The following LRP1B variants were observed in gnomAD, a reference collection of about 807,000 sequenced individuals.
LRP1B encodes LDL receptor related protein 1B.
Under a neutral mutation model 556.6 loss-of-function variants are expected in LRP1B, and 217 were observed. That is an observed-to-expected ratio of 0.39 (90% CI 0.35 to 0.44). The LOEUF (loss-of-function observed/expected upper bound fraction) is 0.44, where lower values mean the gene tolerates loss of function less well. Among genes scored for constraint, LRP1B ranks in the 20% least tolerant of loss-of-function variants. The probability of loss-of-function intolerance (pLI) is 1.00; values close to 1 mark genes in which losing one functional copy is unlikely to be tolerated. For synonymous variants in LRP1B, 2,047 were observed against 1,865.8 expected (o/e 1.10, Z -2.50); for missense variants, 5,053 against 5,620.8 (o/e 0.90, Z 3.23).
chr2:142,057,970 A>T (rs1704740512), intron 1 of LRP1B, among the ~76,000 whole-genome samples: 2 of 152,076 alleles, frequency 1.3e-5, no homozygotes, highest in Admixed American at 1.3e-4. Flanking sequence ...CTTTATATTC[A>T]AAGTCAGGAT....
intron 2 of LRP1B, among the ~76,000 whole-genome samples, chr2:141,620,964 A>G (rs1314227609): frequency 1.3e-5 from 2 of 151,746 alleles, no homozygotes; most frequent in African/African-American, 4.8e-5. Context: ...AAAAAAAGGT[A>G]TATTTCTCAT....
intron 2 of LRP1B, among the ~76,000 whole-genome samples, chr2:141,539,593 A>G (rs1685182203): frequency 1.3e-5 from 2 of 152,258 alleles, no homozygotes; most frequent in South Asian, 4.1e-4. Context: ...TAATTCAAGG[A>G]TGTACAACAG....
intron 35 of LRP1B, among the ~76,000 whole-genome samples, chr2:140,738,099 C>A (rs538664534): frequency 6.6e-6 from 1 of 152,200 alleles, no homozygotes; most frequent in East Asian, 1.9e-4. Context: ...AGAAGGCGCA[C>A]TTTTGCCTAA....
intron 27 of LRP1B, among the ~76,000 whole-genome samples, chr2:140,865,655 A>T (rs775703608): frequency 1.3e-5 from 2 of 152,038 alleles, no homozygotes; most frequent in Non-Finnish European, 2.9e-5. Context: ...AACTGACTGA[A>T]TTTCATTTAG....
At chr2:141,253,400 T>G (rs1218918749) in intron 4 of LRP1B, among the ~76,000 whole-genome samples, 1 of 152,162 alleles carries the variant, frequency 6.6e-6, no homozygotes, top group Non-Finnish European at 1.5e-5. Flanking sequence ...GATAAACACT[T>G]GATAATAAAT....
intron 5 of LRP1B, among the ~76,000 whole-genome samples, chr2:141,243,253 C>T (rs1053046032): frequency 6.6e-6 from 1 of 151,232 alleles, no homozygotes; most frequent in Non-Finnish European, 1.5e-5. Context: ...TAGGGTATGG[C>T]AGGAGGATTG....
chr2:140,673,370 T>G (rs1392070139), intron 41 of LRP1B, among the ~76,000 whole-genome samples: 1 of 152,214 alleles, frequency 6.6e-6, no homozygotes, highest in East Asian at 1.9e-4. Flanking sequence ...AATCTCTTTT[T>G]TCTAGTTTTC....
intron 71 of LRP1B, among the ~76,000 whole-genome samples, chr2:140,365,048 T>A (rs1321340667): frequency 6.6e-6 from 1 of 151,640 alleles, no homozygotes; most frequent in Admixed American, 6.6e-5. Flanking sequence ...AAGAAAGTTT[T>A]TAAGAATCTA....
chr2:140,892,908 T>TACCAATTAC, intron 23 of LRP1B, among the ~76,000 whole-genome samples: 1 of 152,228 alleles, frequency 6.6e-6, no homozygotes, highest in South Asian at 2.1e-4. Flanking sequence ...ATATGTATAA[T>TACCAATTAC]ACCAATTACA....
chr2:141,041,227 G>A (rs574960053), intron 11 of LRP1B, among the ~76,000 whole-genome samples: 2 of 152,202 alleles, frequency 1.3e-5, no homozygotes, highest in Admixed American at 6.6e-5. Flanking sequence ...AGTATAGCAA[G>A]GGGGTAGGAG....
rs374730975 is a variant in LRP1B at position 140,598,649 on chromosome 2, G to A, written c.7176C>T (p.Tyr2392=). 3.9e-5 allele frequency: 63 copies of A among 1,612,864 alleles called. No individual in the cohort carries two copies. The highest frequency in any genetic ancestry group is 3.2e-4 in the African/African-American group (24 of 74,960). Residue 2392 remains tyrosine, a synonymous_variant, in exon 43 of 91, where the codon TAC becomes TAT. Coordinates refer to ENST00000389484, the MANE Select transcript of LRP1B (RefSeq NM_018557.3). ...AACTTACATGTCTCTGGGATCCATC[G>A]TATTCACACCTTTCAATTTTTCCTA... ...GSLGKIERCE[Y]DGSQRHVIVK...
chr2:140,505,950 T>C (rs189416985), intron 53 of LRP1B, among the ~76,000 whole-genome samples: 5 of 152,306 alleles, frequency 3.3e-5, no homozygotes, highest in African/African-American at 1.2e-4. Flanking sequence ...GATGCTATCA[T>C]TAAAGTTGTA....
At chr2:141,795,989 A>G (rs904275692) in intron 2 of LRP1B, among the ~76,000 whole-genome samples, 1 of 148,836 alleles carries the variant, frequency 6.7e-6, no homozygotes, top group African/African-American at 2.5e-5. Flanking sequence ...GGTTCAGTTT[A>G]TTCATGGGTT....
intron 66 of LRP1B, among the ~76,000 whole-genome samples, chr2:140,395,573 C>A (rs565133759): frequency 1.3e-5 from 2 of 152,254 alleles, no homozygotes; most frequent in South Asian, 4.1e-4. Flanking sequence ...GCAGCTTATC[C>A]CAGTGAGAGC....
chr2:140,815,522 G>T (rs1413564040), intron 31 of LRP1B, among the ~76,000 whole-genome samples: 1 of 151,870 alleles, frequency 6.6e-6, no homozygotes, highest in Admixed American at 6.6e-5. Context: ...TAGGAACAAG[G>T]TAAAGCTAGC....
intron 3 of LRP1B, among the ~76,000 whole-genome samples, chr2:141,421,233 A>T (rs1194996711): frequency 6.6e-6 from 1 of 152,156 alleles, no homozygotes; most frequent in East Asian, 1.9e-4. Flanking sequence ...ACACTTTAAA[A>T]ATTTACCTCT....
chr2:141,991,005 G>A (rs190598688), intron 1 of LRP1B, among the ~76,000 whole-genome samples: 435 of 151,956 alleles, frequency 2.9e-3, no homozygotes, highest in Admixed American at 6.1e-3. Flanking sequence ...GTCCCTACCC[G>A]TTTTTCATTT....
rs554212042 is a variant in LRP1B at position 141,074,702 on chromosome 2, A to G, written c.1014-12429T>C. ...TTATAAATTTCCTCATATGGGAATC[A>G]TAAGATATAAGACTCAGACTTGAAG... On this transcript the variant is annotated intron_variant, in intron 7 of 90. Transcript: ENST00000389484. 1.9e-4 allele frequency among the ~76,000 whole-genome samples: 29 copies of G among 151,110 alleles called. No individual in the cohort carries two copies. The East Asian group carries it at 5.4e-3, about 28-fold the overall frequency.
chr2:142,016,822 ATATATATATATTTATATGTATATATG>A (rs1559024024), intron 1 of LRP1B, among the ~76,000 whole-genome samples: 2 of 150,110 alleles, frequency 1.3e-5, no homozygotes. Context: ...AACTTAAAGT[ATATATATATATTTATATGTATATATG>A]TATATATATA....
Sources: allele counts gnomAD v4.1 joint callset (sites outside exome capture counted in the v4.1 genomes callset), GRCh38; gene constraint gnomAD v4.1.1; transcripts MANE v1.5; gene names NCBI Gene and HGNC (gene_info 2026-07-23, HGNC 2026-07-21).